Variants in LARGE1 observed in about 807,000 individuals in gnomAD.
LARGE1 encodes the protein xylosyl- and glucuronyltransferase LARGE1.
A neutral mutation model predicts 87.6 loss-of-function variants in LARGE1; 43 were observed. That is an observed-to-expected ratio of 0.49 (90% CI 0.38 to 0.63). The LOEUF is 0.63. LARGE1 is among the 30% of genes least tolerant of loss of function. LARGE1 has a pLI of 0.00. For synonymous variants in LARGE1, 434 were observed against 394.6 expected, an observed-to-expected ratio of 1.10 and a Z score of -1.18; for missense variants, 802 against 1,000.2, an observed-to-expected ratio of 0.80 and a Z score of 2.67.
intron 5 of LARGE1, among the ~76,000 whole-genome samples, chr22:33,577,407 C>T (rs733386): frequency 0.014 from 2,110 of 152,310 alleles, 39 homozygotes; most frequent in African/African-American, 0.049. Context: ...CCGATCTTAG[C>T]CTCTGCTGAA....
intron 5 of LARGE1, among the ~76,000 whole-genome samples, chr22:33,594,668 G>A (rs751751862): frequency 5.3e-5 from 8 of 152,130 alleles, no homozygotes; most frequent in East Asian, 1.9e-4. Context: ...GTGCAATGGC[G>A]CAATCTCAGC....
intron 6 of LARGE1, among the ~76,000 whole-genome samples, chr22:33,470,238 C>T (rs1209691753): frequency 6.6e-6 from 1 of 152,064 alleles, no homozygotes; most frequent in African/African-American, 2.4e-5. Context: ...ACCAAACCCT[C>T]ATGACATGTA....
intron 2 of LARGE1, among the ~76,000 whole-genome samples, chr22:33,749,629 T>A (rs1474795915): frequency 6.6e-6 from 1 of 152,260 alleles, no homozygotes; most frequent in African/African-American, 2.4e-5. Context: ...CCAGCCTAGA[T>A]GACTCCTGAT....
rs558739254 is a variant in LARGE1 at position 33,212,845 on chromosome 22, G to A, written c.1731-46013C>T. Among the ~76,000 whole-genome samples, 11 of 152,092 alleles carry A rather than the reference G, an allele frequency of 7.2e-5. No individual in the cohort carries two copies. The South Asian group carries it at 1.0e-3, about 14-fold the overall frequency. On this transcript the variant is annotated intron_variant, in intron 11 of 11. Transcript: ENST00000608642. ...ATCCTGGTTAACACGGTGAAACCCCGTCTCTACTAAAAATACAAAAAAATT... is the reference window on the plus strand; with the variant it reads ...ATCCTGGTTAACACGGTGAAACCCCATCTCTACTAAAAATACAAAAAAATT...
intron 3 of LARGE1, among the ~76,000 whole-genome samples, chr22:33,646,615 C>T (rs150552458): frequency 7.2e-5 from 11 of 151,876 alleles, no homozygotes; most frequent in East Asian, 1.9e-4. Context: ...AAAAAGTCAA[C>T]GAGTTCAAGA....
At chr22:33,768,151 T>C (rs571110493) in intron 1 of LARGE1, among the ~76,000 whole-genome samples, 16 of 151,878 alleles carry the variant, frequency 1.1e-4, no homozygotes, top group Non-Finnish European at 1.8e-4. Flanking sequence ...CAACCAAAAA[T>C]ACAAAAACTT....
chr22:33,156,169 C>T, the LARGE1 span, among the ~76,000 whole-genome samples: 1 of 152,188 alleles, frequency 6.6e-6, no homozygotes, highest in Non-Finnish European at 1.5e-5. Flanking sequence ...TCAGAGTCCC[C>T]ACACAGAGTC....
chr22:33,142,841 A>C, the LARGE1 span, among the ~76,000 whole-genome samples: 4 of 152,344 alleles, frequency 2.6e-5, no homozygotes, highest in Non-Finnish European at 5.9e-5. Context: ...GCAAGCACAG[A>C]GCCTGGCTGG....
At chr22:33,285,044 C>T (rs1931255476) in intron 12 of LARGE1, among the ~76,000 whole-genome samples, 1 of 152,230 alleles carries the variant, frequency 6.6e-6, no homozygotes, top group African/African-American at 2.4e-5. Flanking sequence ...TCGTCATATA[C>T]TGCCACTTGG....
At chr22:33,852,025 G>T (rs1376620484) in intron 1 of LARGE1, among the ~76,000 whole-genome samples, 1 of 152,104 alleles carries the variant, frequency 6.6e-6, no homozygotes, top group Non-Finnish European at 1.5e-5. Context: ...ACTCTATATT[G>T]TATTCTGTGA....
chr22:33,527,215 C>A (rs1370246387), intron 6 of LARGE1, among the ~76,000 whole-genome samples: 1 of 152,208 alleles, frequency 6.6e-6, no homozygotes, highest in African/African-American at 2.4e-5. Context: ...GAGATCGCAC[C>A]ATTGCACTCC....
chr22:33,616,228 C>A (rs2079575571), intron 4 of LARGE1, among the ~76,000 whole-genome samples: 1 of 152,056 alleles, frequency 6.6e-6, no homozygotes, highest in African/African-American at 2.4e-5. Flanking sequence ...AGTGGATGGC[C>A]GGGCACTGTG....
intron 3 of LARGE1, among the ~76,000 whole-genome samples, chr22:33,650,070 A>G (rs1222273878): frequency 6.6e-6 from 1 of 152,196 alleles, no homozygotes; most frequent in Non-Finnish European, 1.5e-5. Flanking sequence ...AACCCTGCGC[A>G]TGTCAAAATG....
At chr22:33,771,998 G>A (rs1835910799) in intron 1 of LARGE1, among the ~76,000 whole-genome samples, 1 of 152,098 alleles carries the variant, frequency 6.6e-6, no homozygotes, top group African/African-American at 2.4e-5. Context: ...CCCCATGCCC[G>A]TGGCTTCTGC....
At chr22:33,505,534 G>T (rs186392985) in intron 6 of LARGE1, among the ~76,000 whole-genome samples, 1 of 152,306 alleles carries the variant, frequency 6.6e-6, no homozygotes, top group East Asian at 1.9e-4. Context: ...GGGTGATGCT[G>T]GGAAGAGAGA....
intron 6 of LARGE1, among the ~76,000 whole-genome samples, chr22:33,539,707 C>G (rs2077138008): frequency 1.3e-5 from 2 of 148,626 alleles, no homozygotes; most frequent in African/African-American, 4.9e-5. Context: ...CCTCCCACCT[C>G]AGCCTACCAA....
At chr22:33,547,248 T>C (rs1569258016) in intron 6 of LARGE1, among the ~76,000 whole-genome samples, 1 of 151,892 alleles carries the variant, frequency 6.6e-6, no homozygotes, top group African/African-American at 2.4e-5. Context: ...TAGGATGGTT[T>C]GGGGATGAAA....
rs555689957 is a variant in LARGE1, at chr22:33,593,088, C to T, written c.615+11347G>A. 2.6e-5 allele frequency among the ~76,000 whole-genome samples: 4 copies of T among 152,380 alleles called. No homozygotes were observed. The East Asian group carries it at 7.7e-4, about 29-fold the overall frequency. ...TCTCTTGACCTTGTGATCCGCCCAC[C>T]TCGGCCTCCCAAAGTGCTGGGATTA... On this transcript the variant is annotated intron_variant, in intron 5 of 14. Transcript: ENST00000397394.
intron 3 of LARGE1, among the ~76,000 whole-genome samples, chr22:33,637,082 C>T (rs1311158859): frequency 6.6e-6 from 1 of 152,044 alleles, no homozygotes; most frequent in African/African-American, 2.4e-5. Flanking sequence ...GTATTTTTCC[C>T]ATCATTGAAA....
Sources: gnomAD v4.1 joint callset for allele counts (sites outside exome capture counted in the v4.1 genomes callset) on GRCh38, gnomAD v4.1.1 for gene constraint, MANE v1.5 for transcripts, NCBI Gene and HGNC (gene_info 2026-07-23, HGNC 2026-07-21) for gene names.